The following ZNF385D variants were observed in gnomAD, a reference collection of about 807,000 sequenced individuals.
The protein encoded by ZNF385D is zinc finger protein 385D.
ZNF385D carries 15 observed loss-of-function variants against 35.8 expected under a neutral mutation model. The observed-to-expected ratio is 0.42, with a 90% CI of 0.28 to 0.64. ZNF385D has a LOEUF of 0.64. Among genes scored for constraint, ZNF385D ranks in the 30% least tolerant of loss-of-function variants. The pLI is 0.23. For missense variants in ZNF385D, 474 were observed against 494.6 expected (o/e 0.96, Z 0.39); for synonymous variants, 212 against 186.8 (o/e 1.13, Z -1.10).
At chr3:21,600,304 C>G (rs541723618) in intron 2 of ZNF385D, among the ~76,000 whole-genome samples, 2 of 152,146 alleles carry the variant, frequency 1.3e-5, no homozygotes, top group Middle Eastern at 3.4e-3. Flanking sequence ...TTTTGTTGCA[C>G]GAGATCCAAG....
chr3:21,758,281 A>G (rs2070436311), intron 3 of ZNF385D, among the ~76,000 whole-genome samples: 1 of 152,210 alleles, frequency 6.6e-6, no homozygotes, highest in Admixed American at 6.5e-5. Flanking sequence ...GTTTCAACAT[A>G]TCCTAGAACA....
intron 3 of ZNF385D, among the ~76,000 whole-genome samples, chr3:21,813,385 G>A (rs748976758): frequency 6.6e-6 from 1 of 151,998 alleles, no homozygotes; most frequent in African/African-American, 2.4e-5. Flanking sequence ...TCAGAAGAGT[G>A]GTAATAACAA....
intron 3 of ZNF385D, among the ~76,000 whole-genome samples, chr3:21,785,093 C>A (rs1313960554): frequency 6.6e-6 from 1 of 152,108 alleles, no homozygotes; most frequent in Non-Finnish European, 1.5e-5. Flanking sequence ...TGGTTCCCTG[C>A]ACTGACCGGG....
rs377137352 is a variant in ZNF385D, at chr3:21,578,297, G to A, written c.166-13613C>T. 3.9e-4 allele frequency among the ~76,000 whole-genome samples: 59 copies of A among 152,108 alleles called. 1 individual carries two copies. The South Asian group carries it at 0.012, about 31-fold the overall frequency. Reference sequence around the variant, plus strand: ...CAGGCTGTCTCTTCCCTCTGTTGATGGTTTCTTTTGCTGTGCAGAAGCTTT... The same window carrying A: ...CAGGCTGTCTCTTCCCTCTGTTGATAGTTTCTTTTGCTGTGCAGAAGCTTT... On this transcript the variant is annotated intron_variant, in intron 2 of 7. Transcript: ENST00000281523.
At chr3:21,952,252 C>G (rs527811041) in intron 3 of ZNF385D, among the ~76,000 whole-genome samples, 1 of 151,972 alleles carries the variant, frequency 6.6e-6, no homozygotes, top group East Asian at 1.9e-4. Flanking sequence ...ATTTCCTTGC[C>G]TGGCATCTCC....
intron 4 of ZNF385D, among the ~76,000 whole-genome samples, chr3:21,472,339 A>C (rs764129855): frequency 6.6e-6 from 1 of 152,150 alleles, no homozygotes; most frequent in Admixed American, 6.6e-5. Context: ...CCTAATGGCC[A>C]TGCTAAAGGA....
chr3:21,721,151 T>C (rs147925903), intron 1 of ZNF385D, among the ~76,000 whole-genome samples: 2 of 152,276 alleles, frequency 1.3e-5, no homozygotes, highest in African/African-American at 4.8e-5. Context: ...ATAATGACTT[T>C]GCCCCCTCCA....
At chr3:22,319,995 G>C (rs779772201) in intron 2 of ZNF385D, among the ~76,000 whole-genome samples, 1 of 151,806 alleles carries the variant, frequency 6.6e-6, no homozygotes, top group Non-Finnish European at 1.5e-5. Flanking sequence ...ACTGAGACAA[G>C]AGTGACCCCT....
intron 2 of ZNF385D, among the ~76,000 whole-genome samples, chr3:22,346,790 G>A (rs1695677097): frequency 6.6e-6 from 1 of 152,068 alleles, no homozygotes; most frequent in Admixed American, 6.6e-5. Flanking sequence ...TACAGACAAG[G>A]GAGTTTTCTA....
At chr3:22,041,648 T>C (rs1024146706) in intron 3 of ZNF385D, among the ~76,000 whole-genome samples, 6 of 152,136 alleles carry the variant, frequency 3.9e-5, no homozygotes, top group Non-Finnish European at 8.8e-5. Flanking sequence ...GATCAATGTA[T>C]ATTGTTTACA....
intron 2 of ZNF385D, among the ~76,000 whole-genome samples, chr3:22,343,553 G>C (rs552410895): frequency 6.6e-6 from 1 of 151,618 alleles, no homozygotes; most frequent in Admixed American, 6.6e-5. Flanking sequence ...CAGCAAGAGA[G>C]AATCCTACTG....
chr3:21,564,750 C>T (rs2063081778), intron 2 of ZNF385D, 66 bp from the exon 3 acceptor site: 1 of 1,041,948 alleles, frequency 9.6e-7, no homozygotes, highest in South Asian at 1.9e-5. Flanking sequence ...GGAATTTTGC[C>T]TATTTCATTA....
chr3:21,867,663 T>G (rs1195543402), intron 3 of ZNF385D, among the ~76,000 whole-genome samples: 1 of 152,090 alleles, frequency 6.6e-6, no homozygotes, highest in African/African-American at 2.4e-5. Flanking sequence ...TACTTTTAAA[T>G]GATTTGCCAT....
At chr3:21,674,923 G>GATGC (rs1345060690) in intron 1 of ZNF385D, among the ~76,000 whole-genome samples, 2 of 150,572 alleles carry the variant, frequency 1.3e-5, no homozygotes, top group East Asian at 2.0e-4. Context: ...TGGATGGATG[G>GATGC]ATGGATGGAT....
chr3:22,325,317 T>C (rs1694626328), intron 2 of ZNF385D, among the ~76,000 whole-genome samples: 1 of 152,234 alleles, frequency 6.6e-6, no homozygotes, highest in Non-Finnish European at 1.5e-5. Context: ...AATGCTTCTT[T>C]GTATTTATTT....
intron 3 of ZNF385D, among the ~76,000 whole-genome samples, chr3:22,155,404 A>T (rs1405694961): frequency 1.3e-5 from 2 of 152,088 alleles, no homozygotes; most frequent in African/African-American, 4.8e-5. Flanking sequence ...CTGGAACTAA[A>T]GAGATTTCTT....
At position 21,872,996 on chromosome 3, in the gene ZNF385D, A is replaced by G. The variant is rs144837130; in HGVS notation, c.326-207968T>C. Among the ~76,000 whole-genome samples, 317 of 152,278 alleles carry G rather than the reference A, an allele frequency of 2.1e-3. 4 individuals carry two copies. Among genetic ancestry groups the G allele is most frequent in the African/African-American group, 7.3e-3 (305 of 41,582 alleles). On this transcript the variant is annotated intron_variant, in intron 3 of 5. Transcript: ENST00000494108. The stretch of plus-strand genomic sequence containing the variant: ...CTATTTCGTGCCAGTCGATTTATGT[A>G]CAAAGAAAGCACATACCCAGATCAA...
chr3:22,332,057 T>G (rs542115469), intron 2 of ZNF385D, among the ~76,000 whole-genome samples: 6 of 152,312 alleles, frequency 3.9e-5, no homozygotes, highest in Admixed American at 3.3e-4. Flanking sequence ...CCACGATAAC[T>G]TCATCAAGTT....
intron 2 of ZNF385D, among the ~76,000 whole-genome samples, chr3:22,261,358 A>C (rs1433926713): frequency 6.6e-6 from 1 of 152,058 alleles, no homozygotes; most frequent in Non-Finnish European, 1.5e-5. Context: ...TTACAATCTA[A>C]TGCATTGTGT....
Sources: gnomAD v4.1 joint callset for allele counts (sites outside exome capture counted in the v4.1 genomes callset) on GRCh38, gnomAD v4.1.1 for gene constraint, MANE v1.5 for transcripts, NCBI Gene and HGNC (gene_info 2026-07-23, HGNC 2026-07-21) for gene names.